The following ADGRL3 variants were observed in gnomAD, a reference collection of about 807,000 sequenced individuals.
The protein encoded by ADGRL3 is calcium-independent alpha-latrotoxin receptor 3.
In ADGRL3, 62 loss-of-function variants were observed where a neutral mutation model predicts 153.5. The ratio of observed to expected loss-of-function variants is 0.40; its 90% CI spans 0.33 to 0.50. The LOEUF (loss-of-function observed/expected upper bound fraction) is 0.50. Among genes scored for constraint, ADGRL3 ranks in the 20% least tolerant of loss-of-function variants. ADGRL3 has a pLI of 0.47. For missense variants in ADGRL3, 1,641 were observed against 1,859.4 expected (o/e 0.88, Z 2.16); for synonymous variants, 710 against 672.5 (o/e 1.06, Z -0.86).
chr4:61,684,365 A>G (rs1369453965), intron 6 of ADGRL3, among the ~76,000 whole-genome samples: 4 of 152,152 alleles, frequency 2.6e-5, no homozygotes, highest in African/African-American at 9.7e-5. Flanking sequence ...CCTCTGAAAA[A>G]GTAAGAGTCA....
At chr4:61,331,760 G>A (rs2095577517) in intron 1 of ADGRL3, among the ~76,000 whole-genome samples, 1 of 151,998 alleles carries the variant, frequency 6.6e-6, no homozygotes, top group Admixed American at 6.6e-5. Context: ...TCATTCGTAT[G>A]TATAAGTTCC....
At chr4:61,777,078 G>A (rs2097160162) in intron 8 of ADGRL3, among the ~76,000 whole-genome samples, 1 of 152,180 alleles carries the variant, frequency 6.6e-6, no homozygotes, top group Non-Finnish European at 1.5e-5. Flanking sequence ...GCTCACGCCT[G>A]TAACCCAGCA....
chr4:61,718,181 T>C lies in ADGRL3; in HGVS notation c.584-12441T>C, dbSNP rs868563418. Reference sequence around the variant, plus strand: ...TAACCAAAAATAACAAATAGATGTATTGATTAAACTTTATAATCAGAAAGT... The same window carrying C: ...TAACCAAAAATAACAAATAGATGTACTGATTAAACTTTATAATCAGAAAGT... On this transcript the variant is annotated intron_variant, in intron 6 of 26. Coordinates refer to ENST00000683033, the MANE Select transcript of ADGRL3 (RefSeq NM_001387552.1). 1.4e-4 allele frequency among the ~76,000 whole-genome samples: 21 copies of C among 152,208 alleles called. 1 individual carries two copies. Among genetic ancestry groups the C allele is most frequent in the South Asian group, 6.2e-4 (3 of 4,834 alleles).
At chr4:61,948,566 G>T (rs1240557062) in intron 17 of ADGRL3, among the ~76,000 whole-genome samples, 1 of 152,102 alleles carries the variant, frequency 6.6e-6, no homozygotes, top group African/African-American at 2.4e-5. Flanking sequence ...TCATGAACAG[G>T]GTAAGATAGG....
intron 1 of ADGRL3, among the ~76,000 whole-genome samples, chr4:61,362,105 C>T (rs1244201547): frequency 2.0e-5 from 3 of 150,954 alleles, no homozygotes; most frequent in Non-Finnish European, 4.4e-5. Context: ...CAGGTTCATG[C>T]GATTTTCCCA....
chr4:61,928,142 G>A (rs71608809), intron 13 of ADGRL3, among the ~76,000 whole-genome samples: 2,609 of 151,872 alleles, frequency 0.017, 34 homozygotes, highest in Middle Eastern at 0.044. Context: ...AGTGGAAGTA[G>A]AGTAAAATAT....
intron 18 of ADGRL3, among the ~76,000 whole-genome samples, chr4:61,982,401 T>C (rs543858254): frequency 6.6e-6 from 1 of 152,294 alleles, no homozygotes; most frequent in Admixed American, 6.5e-5. Context: ...GACTTGCTGA[T>C]CTCTCCTTCA....
intron 5 of ADGRL3, among the ~76,000 whole-genome samples, chr4:61,660,805 T>C (rs1036344962): frequency 1.3e-5 from 2 of 152,142 alleles, no homozygotes; most frequent in African/African-American, 4.8e-5. Context: ...AAAATGAAAC[T>C]GTGTGGTTTG....
At chr4:61,312,406 G>C (rs557159683) in intron 1 of ADGRL3, among the ~76,000 whole-genome samples, 1 of 152,072 alleles carries the variant, frequency 6.6e-6, no homozygotes, top group Non-Finnish European at 1.5e-5. Flanking sequence ...ATCCATGGAA[G>C]AAAAGTAATT....
At chr4:61,280,704 A>C (rs2093689210) in intron 1 of ADGRL3, among the ~76,000 whole-genome samples, 1 of 152,176 alleles carries the variant, frequency 6.6e-6, no homozygotes, top group African/African-American at 2.4e-5. Context: ...TCTTTTTAAA[A>C]GGAAATAGAT....
At chr4:61,509,005 G>A (rs2098447525) in intron 3 of ADGRL3, among the ~76,000 whole-genome samples, 1 of 152,004 alleles carries the variant, frequency 6.6e-6, no homozygotes, top group South Asian at 2.1e-4. Context: ...ACAGTGTGGA[G>A]GAAACCACCC....
At chr4:61,774,417 T>TA (rs2097123740) in intron 8 of ADGRL3, among the ~76,000 whole-genome samples, 1 of 135,726 alleles carries the variant, frequency 7.4e-6, no homozygotes, top group African/African-American at 2.7e-5. Context: ...AAAAAAAAAA[T>TA]AAAAATAAAA....
At chr4:61,434,778 G>T (rs1409098587) in intron 2 of ADGRL3, among the ~76,000 whole-genome samples, 1 of 152,014 alleles carries the variant, frequency 6.6e-6, no homozygotes, top group Admixed American at 6.6e-5. Context: ...TTGAGGTTTT[G>T]ATTAGAGCTG....
intron 1 of ADGRL3, among the ~76,000 whole-genome samples, chr4:61,254,108 C>T (rs1214636050): frequency 6.6e-6 from 1 of 152,088 alleles, no homozygotes; most frequent in African/African-American, 2.4e-5. Context: ...TCATATTAAC[C>T]ACTGCTCAAA....
At chr4:61,332,316 C>T (rs1277566602) in intron 1 of ADGRL3, among the ~76,000 whole-genome samples, 2 of 152,014 alleles carry the variant, frequency 1.3e-5, no homozygotes, top group African/African-American at 4.8e-5. Context: ...AAATTGATTT[C>T]TTCGATAGTT....
At chr4:61,830,318 C>G (rs768545451) in intron 9 of ADGRL3, among the ~76,000 whole-genome samples, 3 of 152,104 alleles carry the variant, frequency 2.0e-5, no homozygotes, top group African/African-American at 7.2e-5. Context: ...GAGCTAACTC[C>G]ACAACTCTAT....
chr4:61,390,650 C>T (rs1578596879), intron 2 of ADGRL3, among the ~76,000 whole-genome samples: 3 of 152,194 alleles, frequency 2.0e-5, no homozygotes, highest in South Asian at 4.1e-4. Context: ...GCAACCACAA[C>T]TGTTGCCTTT....
At chr4:61,338,621 T>G (rs1335607694) in intron 1 of ADGRL3, among the ~76,000 whole-genome samples, 1 of 152,218 alleles carries the variant, frequency 6.6e-6, no homozygotes, top group Non-Finnish European at 1.5e-5. Context: ...TGAACTGATT[T>G]AACTATGTGT....
intron 1 of ADGRL3, among the ~76,000 whole-genome samples, chr4:61,223,880 A>G (rs994947754): frequency 3.9e-5 from 6 of 152,170 alleles, no homozygotes; most frequent in Admixed American, 3.9e-4. Flanking sequence ...TAACACTCTG[A>G]ATTATGAGTT....
Sources: gnomAD v4.1 joint callset for allele counts (sites outside exome capture counted in the v4.1 genomes callset) on GRCh38, gnomAD v4.1.1 for gene constraint, MANE v1.5 for transcripts, NCBI Gene and HGNC (gene_info 2026-07-23, HGNC 2026-07-21) for gene names.